The following PCDH11X variants were observed in gnomAD, a reference collection of about 807,000 sequenced individuals.
PCDH11X encodes protocadherin 11 X-linked.
PCDH11X carries 18 observed loss-of-function variants against 53.3 expected under a neutral mutation model. The ratio of observed to expected loss-of-function variants is 0.34; its 90% CI spans 0.23 to 0.50. The LOEUF (loss-of-function observed/expected upper bound fraction) is 0.50. Among genes scored for constraint, PCDH11X ranks in the 20% least tolerant of loss-of-function variants. The pLI is 0.98. For synonymous variants in PCDH11X, 279 were observed against 393.3 expected (o/e 0.71, Z 3.44); for missense variants, 570 against 1,032.4 (o/e 0.55, Z 6.14).
chrX:92,066,642 C>T (rs947997042), intron 6 of PCDH11X, among the ~76,000 whole-genome samples: 4 of 111,429 alleles, frequency 3.6e-5, no homozygotes, highest in Non-Finnish European at 7.5e-5. Context: ...AAGTTGTTCA[C>T]TGTTCGCATA....
intron 1 of PCDH11X, among the ~76,000 whole-genome samples, chrX:91,790,312 A>G (rs1336619370): frequency 2.7e-5 from 3 of 112,068 alleles, no homozygotes; most frequent in Non-Finnish European, 5.6e-5. Flanking sequence ...CATTTCAAAA[A>G]TGAAAACCAT....
intron 10 of PCDH11X, among the ~76,000 whole-genome samples, chrX:92,559,480 A>G (rs2075100642): frequency 9.1e-6 from 1 of 110,250 alleles, no homozygotes; most frequent in African/African-American, 3.3e-5. Context: ...CCACTGTCAT[A>G]AGAACCAAAA....
chrX:92,412,509 GTA>G (rs748836273), intron 9 of PCDH11X, among the ~76,000 whole-genome samples: 2,632 of 63,499 alleles, frequency 0.041, 68 homozygotes, highest in Non-Finnish European at 0.057. Context: ...AAAGAAAATA[GTA>G]TATATATATA....
rs1257112608 is a variant in PCDH11X, at chrX:92,504,933, G to T, written c.3367+36611G>T. ...GTTGGCCAAGTGTATGACTTATTTT[G>T]AAAAGTATCTGTTCATGTTCTTTGG... On this transcript the variant is annotated intron_variant, in intron 10 of 10. Transcript: ENST00000682573. 2.7e-5 allele frequency among the ~76,000 whole-genome samples: 3 copies of T among 110,284 alleles called. No homozygotes were observed. The Admixed American group carries it at 2.9e-4, about 11-fold the overall frequency.
intron 1 of PCDH11X, among the ~76,000 whole-genome samples, chrX:91,807,705 G>T (rs1018046889): frequency 1.8e-5 from 2 of 111,418 alleles, no homozygotes; most frequent in African/African-American, 6.5e-5. Flanking sequence ...CATAGCTGTA[G>T]CCCCTAAGTC....
At chrX:92,616,669 C>T (rs915759755) in intron 10 of PCDH11X, among the ~76,000 whole-genome samples, 1 of 109,779 alleles carries the variant, frequency 9.1e-6, no homozygotes, top group African/African-American at 3.3e-5. Flanking sequence ...TGTGAGTCCA[C>T]AAATAGGTTT....
rs761488640 is a variant in PCDH11X at position 91,835,989 on chromosome X, C to T, written c.485C>T (p.Ala162Val). 9.9e-6 allele frequency: 12 copies of T among 1,208,538 alleles called. No homozygotes were observed. In the Admixed American group the frequency reaches 1.8e-4, roughly 18 times the overall value. Residue 162 changes from alanine to valine, a missense_variant, in exon 5 of 11, where the codon GCG (alanine) becomes GTG (valine). Transcript: ENST00000682573. ...SAINSKYTLP[A>V]AVDPDVGING... Reference sequence around the variant, plus strand: ...ATAAACTCTAAATATACTCTCCCAGCGGCTGTTGATCCTGACGTAGGAATA... The same window carrying T: ...ATAAACTCTAAATATACTCTCCCAGTGGCTGTTGATCCTGACGTAGGAATA...
chrX:92,132,635 GTATATATATA>G (rs796606879), intron 6 of PCDH11X, among the ~76,000 whole-genome samples: 1,102 of 61,826 alleles, frequency 0.018, 19 homozygotes, highest in African/African-American at 0.071. Context: ...ATATATATAT[GTATATATATA>G]TATATATATA....
At chrX:92,020,039 T>C (rs1034655138) in intron 6 of PCDH11X, among the ~76,000 whole-genome samples, 20 of 112,326 alleles carry the variant, frequency 1.8e-4, no homozygotes, top group African/African-American at 5.5e-4. Context: ...GAAACCGTGC[T>C]TTTCCACTGA....
intron 6 of PCDH11X, among the ~76,000 whole-genome samples, chrX:92,126,412 A>C (rs923247221): frequency 9.9e-5 from 11 of 110,681 alleles, no homozygotes; most frequent in African/African-American, 3.6e-4. Context: ...GGAGTTTGAA[A>C]CCAGCCTGAA....
chrX:91,849,429 C>G (rs1295396539), intron 5 of PCDH11X, among the ~76,000 whole-genome samples: 2 of 110,389 alleles, frequency 1.8e-5, no homozygotes, highest in Non-Finnish European at 3.8e-5. Context: ...TTCTGCTCTT[C>G]TCTCTCCTCT....
At chrX:92,407,601 T>C (rs1167306011) in intron 9 of PCDH11X, among the ~76,000 whole-genome samples, 3 of 110,329 alleles carry the variant, frequency 2.7e-5, no homozygotes, top group Non-Finnish European at 5.7e-5. Context: ...TATTCATAAA[T>C]GTAGCTGATT....
intron 10 of PCDH11X, among the ~76,000 whole-genome samples, chrX:92,580,408 A>T (rs1301160331): frequency 9.7e-6 from 1 of 103,423 alleles, no homozygotes; most frequent in Non-Finnish European, 2.0e-5. Flanking sequence ...TCTCAGGGAT[A>T]TCAGAGTTCT....
intron 8 of PCDH11X, among the ~76,000 whole-genome samples, chrX:92,300,650 TG>T (rs752697797): frequency 3.6e-5 from 4 of 111,075 alleles, no homozygotes; most frequent in Admixed American, 9.6e-5. Context: ...GGTAATTTTT[TG>T]TATTTTTAGT....
In PCDH11X at chrX:92,221,062, G is replaced by T. The variant is rs188534910; in HGVS notation, c.3114+19607G>T. ...TGGGGACTGTTGTGGGGTGGGGGGA[G>T]GGGGGAGGGATAGCATTAGGAGATA... On this transcript the variant is annotated intron_variant, in intron 7 of 10. Coordinates refer to ENST00000682573, the MANE Select transcript of PCDH11X (RefSeq NM_032968.5). Among the ~76,000 whole-genome samples, 3 of 60,175 alleles carry T rather than the reference G, an allele frequency of 5.0e-5. No homozygotes were observed. In the East Asian group the frequency reaches 1.5e-3, roughly 29 times the overall value. 52.3% of individuals were successfully genotyped at this position (60,175 alleles called of 115,157 possible).
Position 91,795,464 on chromosome X carries a change from T to C in PCDH11X, c.-378-14002T>C, listed in dbSNP as rs1047717334. Among the ~76,000 whole-genome samples the C allele has an allele frequency of 2.7e-5, 3 of 110,896 alleles. No homozygotes were observed. The Admixed American group carries it at 2.9e-4, about 11-fold the overall frequency. ...GATCATATAGCCCAAAATAGTCCAG[T>C]GTTAAAACTAGTTTTGGTTATAGAT... On this transcript the variant is annotated intron_variant, in intron 1 of 10. Coordinates refer to ENST00000682573, the MANE Select transcript of PCDH11X (RefSeq NM_032968.5).
At chrX:92,320,916 G>T (rs1453696103) in intron 8 of PCDH11X, among the ~76,000 whole-genome samples, 2 of 108,678 alleles carry the variant, frequency 1.8e-5, no homozygotes, top group Non-Finnish European at 3.8e-5. Context: ...GAACAAACAT[G>T]CATGTAACAT....
At chrX:92,576,070 A>G (rs1922924280) in intron 10 of PCDH11X, among the ~76,000 whole-genome samples, 1 of 93,412 alleles carries the variant, frequency 1.1e-5, no homozygotes, top group Non-Finnish European at 2.1e-5. Context: ...TAGGTGCTCC[A>G]GGGTTGGGTT....
intron 6 of PCDH11X, among the ~76,000 whole-genome samples, chrX:92,119,388 T>A (rs1408229036): frequency 8.9e-6 from 1 of 111,835 alleles, no homozygotes; most frequent in African/African-American, 3.3e-5. Context: ...ATTGCAGGTG[T>A]GAGCCACCAC....
Sources: gnomAD v4.1 joint callset for allele counts (sites outside exome capture counted in the v4.1 genomes callset) on GRCh38, gnomAD v4.1.1 for gene constraint, MANE v1.5 for transcripts, NCBI Gene and HGNC (gene_info 2026-07-23, HGNC 2026-07-21) for gene names.